SHOX: variants seen among roughly 807,000 people sequenced by gnomAD.
The protein encoded by SHOX is SHOX homeobox, also known as short stature homeobox protein.
In SHOX, 12 loss-of-function variants were observed where a neutral mutation model predicts 29.6. That is an observed-to-expected ratio of 0.41 (90% CI 0.26 to 0.66). SHOX has a LOEUF of 0.66. Among genes scored for constraint, SHOX ranks in the 30% least tolerant of loss-of-function variants. The pLI is 0.35. For missense variants in SHOX, 499 were observed against 437.7 expected (o/e 1.14, Z -1.25); for synonymous variants, 214 against 200.6 (o/e 1.07, Z -0.57).
rs1487075340 is a variant in SHOX, at chrX:643,165, G to C, written c.634-1226G>C. Among the ~76,000 whole-genome samples the C allele has an allele frequency of 2.0e-5, 3 of 148,120 alleles. No individual in the cohort carries two copies. The East Asian group carries it at 6.1e-4, about 30-fold the overall frequency. ...ACCTGGTGTCCTGAAAGAGCCTTGG[G>C]GATCTGGTGTCCCAGGAGAGGCTTG... is the stretch of plus-strand genomic sequence containing the variant. On this transcript the variant is annotated intron_variant, in intron 4 of 4. Transcript: ENST00000686671.
chrX:644,264 A>C (rs915550408), intron 4 of SHOX, 127 bp from the exon 5 acceptor site: 4 of 1,251,478 alleles, frequency 3.2e-6, no homozygotes, highest in Non-Finnish European at 4.2e-6. Flanking sequence ...GGTGGTCTCC[A>C]CGGCTGGAGA....
intron 5 of SHOX, chrX:658,686 G>T: frequency 4.4e-6 from 1 of 228,470 alleles, no homozygotes; most frequent in Non-Finnish European, 9.2e-6. Flanking sequence ...TAGCCAGGAA[G>T]GTCTCGATCT....
At chrX:627,678 C>T (rs1447753743), upstream of SHOX, among the ~76,000 whole-genome samples, 8 of 152,190 alleles carry the variant, frequency 5.3e-5, no homozygotes, top group Non-Finnish European at 8.8e-5. Context: ...AGCCACACAG[C>T]TCCTGACTGG....
chrX:630,290 G>A, upstream of SHOX, among the ~76,000 whole-genome samples: 1 of 102,282 alleles, frequency 9.8e-6, no homozygotes, highest in Admixed American at 1.1e-4. Flanking sequence ...AAGATCGTGC[G>A]TCCCCGGGGC....
At chrX:659,164 C>A (rs189561631) in exon 6 of SHOX, 193 of 152,236 alleles carry the variant, frequency 1.3e-3, no homozygotes, top group Non-Finnish European at 2.1e-3. Flanking sequence ...TAGCTCACTG[C>A]AGCCTCAAAC....
At chrX:626,193 C>T (rs1405748068), upstream of SHOX, among the ~76,000 whole-genome samples, 3 of 122,710 alleles carry the variant, frequency 2.4e-5, no homozygotes, top group Non-Finnish European at 5.1e-5. Context: ...TGTCTTCGTT[C>T]CTCTCTCTCT....
chrX:653,542 AAAGT>A (rs2053097261), downstream of SHOX, among the ~76,000 whole-genome samples: 3 of 152,280 alleles, frequency 2.0e-5, no homozygotes, highest in South Asian at 6.2e-4. Flanking sequence ...TTCAACCTGA[AAAGT>A]AAGTGTCTCA....
chrX:645,188 C>T lies in SHOX; in HGVS notation c.*552C>T, dbSNP rs1415583331. 2.6e-5 allele frequency: 4 copies of T among 152,326 alleles called. No individual in the cohort carries two copies. The highest frequency in any genetic ancestry group is 9.7e-5 in the African/African-American group (4 of 41,440). 9.4% of individuals were successfully genotyped at this position (152,326 alleles called of 1,614,324 possible). ...GCCGGGCTCTCCTCCACCGCTCCCC[C>T]GGAGCCTCCCAGGCAGCAATAAGGA... On this transcript the variant is annotated 3_prime_UTR_variant, in exon 5 of 5. Coordinates refer to ENST00000686671, the MANE Select transcript of SHOX (RefSeq NM_000451.4).
intron 1 of SHOX, 102 bp from the exon 2 acceptor site, chrX:634,516 G>T: frequency 7.7e-7 from 1 of 1,300,882 alleles, no homozygotes; most frequent in East Asian, 2.4e-5. Flanking sequence ...AAGCGCATTG[G>T]TTTTCGAGGG....
chrX:656,775 G>A lies in SHOX; in HGVS notation c.634-2010G>A, dbSNP rs989972173. Among the ~76,000 whole-genome samples, 34 of 151,500 alleles carry A rather than the reference G, an allele frequency of 2.2e-4. 2 individuals carry two copies. Among genetic ancestry groups the A allele is most frequent in the Non-Finnish European group, 4.1e-4 (28 of 67,884 alleles). On this transcript the variant is annotated intron_variant, in intron 5 of 5. Transcript: ENST00000334060. ...GGAGAATGCCGTGAGCCTGGGAGGC[G>A]GACCATGCAGTGAGTCGAGATCGCG...
chrX:650,386 A>G lies in SHOX; in HGVS notation c.*5750A>G, dbSNP rs1428439464. 6.6e-6 allele frequency among the ~76,000 whole-genome samples: 1 copy of G among 152,056 alleles called. No homozygotes were observed. Among genetic ancestry groups the G allele is most frequent in the Non-Finnish European group, 1.5e-5 (1 of 68,016 alleles). ...ATGGTCCCATTTCCTTGGAAGCCTG[A>G]GTTTCTGTTCTGGTCTTGCTGCTGT... is the stretch of plus-strand genomic sequence containing the variant. On this transcript the variant is annotated 3_prime_UTR_variant, in exon 5 of 5. Transcript: ENST00000686671.
chrX:631,563 G>A (rs1043154507), intron 1 of SHOX, among the ~76,000 whole-genome samples: 28 of 151,708 alleles, frequency 1.8e-4, no homozygotes, highest in Non-Finnish European at 2.6e-4. Context: ...ACAGAGTCTC[G>A]CTCTGTCCCC....
intron 1 of SHOX, among the ~76,000 whole-genome samples, chrX:625,590 T>TC (rs2052511313): frequency 6.7e-6 from 1 of 150,284 alleles, no homozygotes; most frequent in Admixed American, 6.6e-5. Context: ...CTGTCTCTCT[T>TC]TCTCTCTCTC....
intron 5 of SHOX, among the ~76,000 whole-genome samples, chrX:658,573 C>T (rs1411767894): frequency 6.6e-6 from 1 of 151,580 alleles, no homozygotes; most frequent in African/African-American, 2.4e-5. Flanking sequence ...CGGGTTCACG[C>T]CATTCTCCTG....
At chrX:627,725 G>A (rs2052563719), upstream of SHOX, among the ~76,000 whole-genome samples, 1 of 152,154 alleles carries the variant, frequency 6.6e-6, no homozygotes. Flanking sequence ...CGGACACCCT[G>A]GTAGAGCGGA....
chrX:637,641 G>A (rs770001025), intron 2 of SHOX, among the ~76,000 whole-genome samples: 1 of 152,244 alleles, frequency 6.6e-6, no homozygotes, highest in African/African-American at 2.4e-5. Flanking sequence ...GGATCCTATA[G>A]TAAAGGCGAG....
At chrX:629,527 C>G (rs2052610379), upstream of SHOX, among the ~76,000 whole-genome samples, 1 of 151,922 alleles carries the variant, frequency 6.6e-6, no homozygotes, top group South Asian at 2.1e-4. Context: ...CTCCCTGTCT[C>G]TCTCTCTCCA....
intron 1 of SHOX, chrX:631,836 T>G: frequency 2.2e-6 from 1 of 450,622 alleles, no homozygotes; most frequent in Non-Finnish European, 4.5e-6. Context: ...CCGGCCTGGG[T>G]CCTGACGGCT....
chrX:628,489 C>T, upstream of SHOX, among the ~76,000 whole-genome samples: 1 of 117,332 alleles, frequency 8.5e-6, no homozygotes, highest in Non-Finnish European at 1.8e-5. Context: ...GTGTTTCTCT[C>T]TCTCCATCTC....
Sources: gnomAD v4.1 joint callset for allele counts (sites outside exome capture counted in the v4.1 genomes callset) on GRCh38, gnomAD v4.1.1 for gene constraint, MANE v1.5 for transcripts, NCBI Gene and HGNC (gene_info 2026-07-23, HGNC 2026-07-21) for gene names.